PPP3CC: variants seen among roughly 807,000 people sequenced by gnomAD.
PPP3CC encodes serine/threonine-protein phosphatase 2B catalytic subunit gamma isoform.
PPP3CC carries 35 observed loss-of-function variants against 60.3 expected under a neutral mutation model. That is an observed-to-expected ratio of 0.58 (90% CI 0.44 to 0.77). PPP3CC has a LOEUF of 0.77. Ranked by LOEUF, PPP3CC falls within the 30% of genes least tolerant of loss-of-function variation. The pLI, the probability that PPP3CC is intolerant of heterozygous loss-of-function variation, is 0.00. For missense variants in PPP3CC, 570 were observed against 628.9 expected (o/e 0.91, Z 1.00); for synonymous variants, 206 against 224.3 (o/e 0.92, Z 0.73).
intron 4 of PPP3CC, among the ~76,000 whole-genome samples, chr8:22,501,531 C>A (rs1838762146): frequency 6.6e-6 from 1 of 152,176 alleles, no homozygotes; most frequent in African/African-American, 2.4e-5. Flanking sequence ...CCCTGTTGTC[C>A]TGTTAGTTGT....
chr8:22,496,792 C>T (rs972958549), intron 3 of PPP3CC, among the ~76,000 whole-genome samples: 6 of 151,788 alleles, frequency 4.0e-5, no homozygotes, highest in African/African-American at 9.7e-5. Context: ...CCATTGTGCC[C>T]GGCTGAGAAC....
At chr8:22,525,189 A>C (rs1015320463) in intron 8 of PPP3CC, among the ~76,000 whole-genome samples, 6 of 152,128 alleles carry the variant, frequency 3.9e-5, no homozygotes, top group African/African-American at 1.4e-4. Context: ...AGTTCATTCT[A>C]CCTGAGTATT....
intron 5 of PPP3CC, 44 bp downstream of exon 5, chr8:22,511,275 G>C (rs371018839): frequency 3.8e-6 from 6 of 1,579,188 alleles, no homozygotes; most frequent in Non-Finnish European, 5.2e-6. Flanking sequence ...TTTTTAAAAT[G>C]TGTTGGGTTT....
chr8:22,535,103 G>A (rs768185449), intron 12 of PPP3CC, among the ~76,000 whole-genome samples: 5 of 152,180 alleles, frequency 3.3e-5, no homozygotes, highest in Non-Finnish European at 7.4e-5. Context: ...GCTGTGCCTC[G>A]TGTATATTTT....
intron 6 of PPP3CC, among the ~76,000 whole-genome samples, chr8:22,515,897 T>A (rs1182789322): frequency 6.7e-6 from 1 of 150,018 alleles, no homozygotes; most frequent in Non-Finnish European, 1.5e-5. Context: ...TAAAAAGTCT[T>A]TTTTTCTTTC....
intron 6 of PPP3CC, among the ~76,000 whole-genome samples, chr8:22,516,954 A>G (rs1239388003): frequency 6.6e-6 from 1 of 152,118 alleles, no homozygotes; most frequent in Non-Finnish European, 1.5e-5. Context: ...GACCTAAAGT[A>G]TTATTACACA....
chr8:22,488,572 T>C (rs1217980683), intron 3 of PPP3CC, among the ~76,000 whole-genome samples: 1 of 152,240 alleles, frequency 6.6e-6, no homozygotes, highest in African/African-American at 2.4e-5. Context: ...TTGTCAACAG[T>C]GCCTGTGTTA....
intron 1 of PPP3CC, among the ~76,000 whole-genome samples, chr8:22,460,053 A>G (rs1390199331): frequency 6.6e-6 from 1 of 152,180 alleles, no homozygotes; most frequent in Non-Finnish European, 1.5e-5. Context: ...TGATTATAAA[A>G]TAATGTATTT....
At chr8:22,539,981 C>T (rs554323932) in intron 13 of PPP3CC, among the ~76,000 whole-genome samples, 77 of 152,314 alleles carry the variant, frequency 5.1e-4, no homozygotes, top group African/African-American at 1.8e-3. Flanking sequence ...ACCATTGGAA[C>T]TGATAAACTT....
intron 12 of PPP3CC, among the ~76,000 whole-genome samples, chr8:22,534,207 A>AAC (rs1554544736): frequency 4.6e-5 from 7 of 151,612 alleles, no homozygotes; most frequent in Non-Finnish European, 7.4e-5. Flanking sequence ...AAAAAAAAAA[A>AAC]AAAAAACAAA....
chr8:22,523,359 T>G (rs1489153973), intron 8 of PPP3CC, among the ~76,000 whole-genome samples: 1 of 152,208 alleles, frequency 6.6e-6, no homozygotes, highest in Non-Finnish European at 1.5e-5. Context: ...CTTTATCCTG[T>G]TAAAGTCTTT....
At chr8:22,466,121 AATG>A (rs1837514321) in intron 1 of PPP3CC, among the ~76,000 whole-genome samples, 2 of 151,968 alleles carry the variant, frequency 1.3e-5, no homozygotes, top group Non-Finnish European at 2.9e-5. Flanking sequence ...GTTTGCTGAG[AATG>A]ATGGTTTCCA....
At position 22,532,239 on chromosome 8, in the gene PPP3CC, C is replaced by T. The variant is rs780038020; in HGVS notation, c.1156C>T (p.Arg386Cys). Residue 386 changes from arginine (R) to cysteine (C), a missense_variant, in exon 11 of 14, where the codon CGT (arginine) becomes TGT (cysteine). Transcript: ENST00000240139. Reference protein sequence around the residue: ...DDEAEGSTTVRKEIIRNKIRA... With the variant: ...DDEAEGSTTVCKEIIRNKIRA... Reference sequence around the variant, plus strand: ...TATTCTCTAAGGAAGCACTACAGTTCGTAAGGAGATCATCAGGAATAAGAT... The same window carrying T: ...TATTCTCTAAGGAAGCACTACAGTTTGTAAGGAGATCATCAGGAATAAGAT... 3.7e-6 allele frequency: 6 copies of T among 1,611,786 alleles called. No homozygotes were observed. Among genetic ancestry groups the T allele is most frequent in the African/African-American group, 1.3e-5 (1 of 74,972 alleles).
At chr8:22,477,683 A>G (rs567804182) in intron 3 of PPP3CC, among the ~76,000 whole-genome samples, 1 of 152,052 alleles carries the variant, frequency 6.6e-6, no homozygotes, top group Non-Finnish European at 1.5e-5. Flanking sequence ...GCTGGAGTGC[A>G]GTGGCTATAC....
chr8:22,508,362 T>C (rs941429332), intron 4 of PPP3CC, among the ~76,000 whole-genome samples: 1 of 152,166 alleles, frequency 6.6e-6, no homozygotes, highest in African/African-American at 2.4e-5. Context: ...ATAGATACCA[T>C]TGTCAGTCTA....
At position 22,445,408 on chromosome 8, in the gene PPP3CC, C is replaced by G. The variant is rs150511514; in HGVS notation, c.49+3950C>G. 2.2e-4 allele frequency among the ~76,000 whole-genome samples: 34 copies of G among 152,182 alleles called. No individual in the cohort carries two copies. In the East Asian group the frequency reaches 5.8e-3, roughly 26 times the overall value. On this transcript the variant is annotated intron_variant, in intron 1 of 13. Coordinates refer to ENST00000240139, the MANE Select transcript of PPP3CC (RefSeq NM_005605.5). ...CTTAAATATAAGCTTAATCCTGCTA[C>G]TTATACAATTTGAAAATCAGAAAGG...
At chr8:22,505,850 C>G (rs1252225999) in intron 4 of PPP3CC, among the ~76,000 whole-genome samples, 2 of 151,002 alleles carry the variant, frequency 1.3e-5, no homozygotes, top group Non-Finnish European at 2.9e-5. Flanking sequence ...ACTATTAATC[C>G]TTGGTGATAA....
intron 1 of PPP3CC, among the ~76,000 whole-genome samples, chr8:22,470,304 A>C (rs939114728): frequency 6.6e-6 from 1 of 152,134 alleles, no homozygotes; most frequent in South Asian, 2.1e-4. Context: ...ATAATTTACA[A>C]TTTTTTGAAA....
chr8:22,483,987 G>A (rs1213913799), intron 3 of PPP3CC, among the ~76,000 whole-genome samples: 1 of 151,846 alleles, frequency 6.6e-6, no homozygotes, highest in Admixed American at 6.6e-5. Context: ...GACTACAGGT[G>A]TGTGCTACCA....
Sources: allele counts gnomAD v4.1 joint callset (sites outside exome capture counted in the v4.1 genomes callset), GRCh38; gene constraint gnomAD v4.1.1; transcripts MANE v1.5; gene names NCBI Gene and HGNC (gene_info 2026-07-23, HGNC 2026-07-21).